Variants in TTN observed in about 807,000 individuals in gnomAD.
TTN encodes the protein connectin.
TTN carries 1,525 observed loss-of-function variants against 3,223.0 expected under a neutral mutation model. The observed-to-expected ratio is 0.47, with a 90% CI of 0.45 to 0.49. TTN has a LOEUF of 0.49. Among genes scored for constraint, TTN ranks in the 20% least tolerant of loss-of-function variants. TTN has a pLI of 0.00. For missense variants in TTN, 40,786 were observed against 43,424.0 expected, an observed-to-expected ratio of 0.94 and a Z score of 5.40; for synonymous variants, 14,094 against 15,161.0, an observed-to-expected ratio of 0.93 and a Z score of 5.17.
Position 178,715,113 on chromosome 2 carries a change from T to G in TTN, c.26073A>C (p.Ile8691=). 1 of 1,613,732 alleles carries G rather than the reference T, an allele frequency of 6.2e-7. No homozygotes were observed. Among genetic ancestry groups the G allele is most frequent in the Non-Finnish European group, 8.5e-7 (1 of 1,179,704 alleles). ...RELRSGKKYK[I]MSENFLTSIH... is the part of the protein sequence containing the mutation. Reference sequence around the variant, plus strand: ...TACTGGTTAGGAAGTTCTCAGACATTATCTTGTACTTCTTGCCGCTCCTAA... The same window carrying G: ...TACTGGTTAGGAAGTTCTCAGACATGATCTTGTACTTCTTGCCGCTCCTAA... The change falls in exon 90 of 363, where the codon ATA becomes ATC. Residue 8691 remains isoleucine (I), a synonymous_variant. Transcript: ENST00000589042.
Position 178,730,577 on chromosome 2 carries a change from T to C in TTN, c.17956A>G (p.Ser5986Gly), listed in dbSNP as rs779199136. ...GTGGCAGAACAAGTGTATGTCCCAC[T>C]GTCTGTACCTTCCAGCTGGCTGATT... The part of the protein sequence containing the change: ...LEISQLEGTD[S>G]GTYTCSATNK... The change falls in exon 61 of 363, where the codon AGT (serine) becomes GGT (glycine). Residue 5986 changes from serine (S) to glycine (G), a missense_variant. Transcript: ENST00000589042. 6 of 1,613,686 alleles carry C rather than the reference T, an allele frequency of 3.7e-6. No homozygotes were observed. In the South Asian group the frequency reaches 5.5e-5, roughly 15 times the overall value.
At chr2:178,746,701 T>C (rs1574179273) in intron 47 of TTN, 1 of 1,613,496 alleles carries the variant, frequency 6.2e-7, no homozygotes, top group Non-Finnish European at 8.5e-7. Flanking sequence ...CATTACCCAC[T>C]CTTTCCATTT....
At chr2:178,679,803 G>A in intron 140 of TTN, 91 bp downstream of exon 140, 3 of 1,556,490 alleles carry the variant, frequency 1.9e-6, no homozygotes, top group East Asian at 2.2e-5. Flanking sequence ...GCAATCATTG[G>A]TGCTGCCAAT....
Position 178,784,244 on chromosome 2 carries a change from A to G in TTN, c.2601T>C (p.Ser867=), listed in dbSNP as rs751040739. The part of the protein sequence containing the change: ...KSVKAPTVKP[S]ETRVRAEPTP... The stretch of plus-strand genomic sequence containing the variant: ...TGGGCTCTGCCCTTACTCTAGTCTC[A>G]CTGGGCTTCACAGTAGGAGCCTTCA... The change falls in exon 16 of 363, where the codon AGT becomes AGC. Residue 867 remains serine (S), a synonymous_variant. Transcript: ENST00000589042. 8 of 1,614,016 alleles carry G rather than the reference A, an allele frequency of 5.0e-6. No individual in the cohort carries two copies. The East Asian group carries it at 1.1e-4, about 22-fold the overall frequency.
chr2:178,694,593 G>GTA lies in TTN; in HGVS notation c.31426+4_31426+5dup. The GTA allele has an allele frequency of 1.3e-6, 2 of 1,550,828 alleles. No homozygotes were observed. Among genetic ancestry groups the GTA allele is most frequent in the African/African-American group, 1.4e-5 (1 of 73,254 alleles). On this transcript the variant is annotated splice_donor_region_variant and intron_variant, in intron 117 of 362. Transcript: ENST00000589042. ...GAACTTGTAGCTGAAACACAAAGATGTATACCTTTCACTTCAATAACTTCT... is the reference window on the plus strand; with the variant it reads ...GAACTTGTAGCTGAAACACAAAGATGTATATACCTTTCACTTCAATAACTTCT...
intron 206 of TTN, 23 bp from the exon 207 acceptor site, chr2:178,651,559 T>A (rs766222484): frequency 1.2e-6 from 2 of 1,611,734 alleles, no homozygotes; most frequent in Non-Finnish European, 1.7e-6. Flanking sequence ...TTAGTAGTTG[T>A]TTAAGCTCAT....
rs769332431 is a variant in TTN at position 178,617,123 on chromosome 2, A to G, written c.47872T>C (p.Phe15958Leu). 6 of 1,610,306 alleles carry G rather than the reference A, an allele frequency of 3.7e-6. No homozygotes were observed. The Admixed American group carries it at 8.4e-5, about 22-fold the overall frequency. ...TAAAAATAAAATATCTATTTACCAA[A>G]TGCATCGTCAGCGGTGAGAGGACCA... is the stretch of plus-strand genomic sequence containing the variant. ...ILGPLTADDA[F>L]VEPTMDLSAF... Residue 15958 changes from phenylalanine (F) to leucine (L), a missense_variant, in exon 255 of 363, where the codon TTT (phenylalanine) becomes CTT (leucine). Physicochemically the swap from Phe to Leu is conservative, Grantham distance 22 (BLOSUM62 0). Transcript: ENST00000589042.
chr2:178,795,107 A>T lies in TTN; in HGVS notation c.1060T>A (p.Ser354Thr). Residue 354 changes from serine to threonine, a missense_variant, in exon 7 of 363, where the codon TCA becomes ACA. Physicochemically the swap from Ser to Thr is moderately conservative, Grantham distance 58 (BLOSUM62 1). Coordinates refer to ENST00000589042, the MANE Select transcript of TTN (RefSeq NM_001267550.2). ...GTCTCTCTCATCTCAGCCTCAGATG[A>T]GGAGGCCACGTAGCCCTCTTGCTTC... ...PWKQEGYVASSSEAEMRETTL... is the reference protein window; with the variant it reads ...PWKQEGYVASTSEAEMRETTL... 6.2e-7 allele frequency: 1 copy of T among 1,614,110 alleles called. No homozygotes were observed. The highest frequency in any genetic ancestry group is 8.5e-7 in the Non-Finnish European group (1 of 1,180,010).
rs752443804 is a variant in TTN at position 178,548,131 on chromosome 2, G to A, written c.93495C>T (p.His31165=). 1 of 1,613,882 alleles carries A rather than the reference G, an allele frequency of 6.2e-7. No homozygotes were observed. Among genetic ancestry groups the A allele is most frequent in the East Asian group, 2.2e-5 (1 of 44,874 alleles). ...CTACTGTGAAAGTTAGCTGTTTGGTGTGACCAGCTTCAACCCAGAAGTCAG... is the reference window on the plus strand; with the variant it reads ...CTACTGTGAAAGTTAGCTGTTTGGTATGACCAGCTTCAACCCAGAAGTCAG... The part of the protein sequence containing the change: ...KGSDFWVEAG[H]TKQLTFTVER... The change falls in exon 339 of 363, where the codon CAC becomes CAT. Residue 31165 remains histidine, a synonymous_variant. Coordinates refer to ENST00000589042, the MANE Select transcript of TTN (RefSeq NM_001267550.2). This position sits in a 1 kb window ranked among gnomAD's most constrained non-coding sequence, Gnocchi z 4.3.
chr2:178,734,417 G>A lies in TTN; in HGVS notation c.15407C>T (p.Ser5136Leu), dbSNP rs764310312. The A allele has an allele frequency of 9.3e-6, 15 of 1,613,482 alleles. No individual in the cohort carries two copies. The highest frequency in any genetic ancestry group is 6.7e-5 in the African/African-American group (5 of 74,882). The change falls in exon 52 of 363, where the codon TCG becomes TTG. Residue 5136 changes from serine (S) to leucine (L), a missense_variant. Coordinates refer to ENST00000589042, the MANE Select transcript of TTN (RefSeq NM_001267550.2). ...TTCACCAACATCTGCACTATTAAAC[G>A]AAAAGATCTCCAGACACACAAGAGA... is the stretch of plus-strand genomic sequence containing the variant. Reference protein sequence around the residue: ...QKSLVCLEIFSFNSADVGEYE... With the variant: ...QKSLVCLEIFLFNSADVGEYE...
rs975953877 is a variant in TTN at position 178,647,009 on chromosome 2, C to T, written c.40222+55G>A. ...TTGTCCTGTAAATGCTTTTGTAATTCTAACAGGAATCTTCAGGAGATTAAA... is the reference window on the plus strand; with the variant it reads ...TTGTCCTGTAAATGCTTTTGTAATTTTAACAGGAATCTTCAGGAGATTAAA... On this transcript the variant is annotated intron_variant, in intron 215 of 362. Transcript: ENST00000589042. 11 of 647,266 alleles carry T rather than the reference C, an allele frequency of 1.7e-5. 1 individual carries two copies. In the African/African-American group the frequency reaches 1.9e-4, roughly 11 times the overall value. 40.1% of individuals were successfully genotyped at this position (647,266 alleles called of 1,614,324 possible). A position where few individuals can be genotyped will look rare whatever the true frequency, so the allele number is the denominator to read the frequency against.
intron 10 of TTN, 111 bp from the exon 11 acceptor site, chr2:178,790,956 A>G: frequency 2.2e-6 from 3 of 1,344,886 alleles, no homozygotes; most frequent in Non-Finnish European, 3.1e-6. Flanking sequence ...GAACGATAAA[A>G]TGTCAGATTT....
rs573043290 is a variant in TTN, at chr2:178,727,538, C to G, written c.19993+47G>C. ...AGACATTGTAACTGAATACAGAGAA[C>G]CAAAGACACAGTCAGACAGAAACAT... is the stretch of plus-strand genomic sequence containing the variant. On this transcript the variant is annotated intron_variant, in intron 68 of 362. Transcript: ENST00000589042. 1.1e-5 allele frequency: 17 copies of G among 1,524,230 alleles called. No homozygotes were observed. The East Asian group carries it at 3.6e-4, about 33-fold the overall frequency. 94.4% of individuals were successfully genotyped at this position (1,524,230 alleles called of 1,614,324 possible).
rs766108359 is a variant in TTN at position 178,802,249 on chromosome 2, G to A, written c.184C>T (p.Arg62Cys). Residue 62 changes from arginine (R) to cysteine (C), a missense_variant, in exon 3 of 363, where the codon CGC becomes TGC. Arg to Cys is a radical substitution (Grantham distance 180). Transcript: ENST00000589042. ...ACGGCGGGGATCGTCAGTTTAGCGC[G>A]GCCATCGCTAAAGGAGATCTGCACG... Reference protein sequence around the residue: ...PGVQISFSDGRAKLTIPAVTK... With the variant: ...PGVQISFSDGCAKLTIPAVTK... 3.7e-6 allele frequency: 6 copies of A among 1,613,996 alleles called. No homozygotes were observed. Among genetic ancestry groups the A allele is most frequent in the South Asian group, 2.2e-5 (2 of 91,076 alleles).
chr2:178,601,906 A>G lies in TTN; in HGVS notation c.55278T>C (p.Val18426=), dbSNP rs368013796. 5.0e-6 allele frequency: 8 copies of G among 1,612,366 alleles called. No homozygotes were observed. The African/African-American group carries it at 1.1e-4, about 22-fold the overall frequency. Residue 18426 remains valine, a synonymous_variant, in exon 285 of 363, where the codon GTT becomes GTC. Coordinates refer to ENST00000589042, the MANE Select transcript of TTN (RefSeq NM_001267550.2). Reference sequence around the variant, plus strand: ...CCTGTGCATCTTCGGGTATGTCATGAACTCCATCCTATTAGAAAAGGAGAC... The same window carrying G: ...CCTGTGCATCTTCGGGTATGTCATGGACTCCATCCTATTAGAAAAGGAGAC... ...GKAKKAMKDG[V]HDIPEDAQLE...
rs955370014 is a variant in TTN, at chr2:178,599,162, T to C, written c.56631A>G (p.Thr18877=). The C allele has an allele frequency of 1.3e-6, 2 of 1,506,852 alleles. No individual in the cohort carries two copies. Among genetic ancestry groups the C allele is most frequent in the African/African-American group, 2.8e-5 (2 of 71,368 alleles). 93.3% of individuals were successfully genotyped at this position (1,506,852 alleles called of 1,614,324 possible). A position where few individuals can be genotyped will look rare whatever the true frequency, so the allele number is the denominator to read the frequency against. The change falls in exon 290 of 363, where the codon ACA becomes ACG. Residue 18877 remains threonine (T), a synonymous_variant. Transcript: ENST00000589042. ...CCTACTTACAGAAGAGGTTTCTTGC[T>C]GTTTCAGGTTCACTGTCAAGAGGTT... ...IGEPLDSEPE[T]ARNLFSVPGA... is the part of the protein sequence containing the mutation.
At position 178,756,796 on chromosome 2, in the gene TTN, C is replaced by T. The variant is rs1454521352; in HGVS notation, c.10680G>A (p.Val3560=). The change falls in exon 46 of 363, where the codon GTG becomes GTA. Residue 3560 remains valine, a splice_region_variant and synonymous_variant. Transcript: ENST00000589042. ...CAATLTVTPK[V]QALDRQSSGK... ...CAGAACTTTGCCTATCTAGGGCTTG[C>T]ACTGTATAATCAAGTGACAAGAAAA... The T allele has an allele frequency of 3.7e-6, 6 of 1,612,952 alleles. No homozygotes were observed. The highest frequency in any genetic ancestry group is 1.1e-5 in the South Asian group (1 of 91,002).
In TTN at chr2:178,791,375, G is replaced by A. The variant is rs530044876; in HGVS notation, c.1663-530C>T. Among the ~76,000 whole-genome samples the A allele has an allele frequency of 8.5e-5, 13 of 152,238 alleles. No homozygotes were observed. In the East Asian group the frequency reaches 1.7e-3, roughly 20 times the overall value. On this transcript the variant is annotated intron_variant, in intron 10 of 362. Transcript: ENST00000589042. ...CAAAGAGCTTGAGTTCAAGGAGGAT[G>A]AGCACAGGCGCCCTCTTTGACATGG... is the stretch of plus-strand genomic sequence containing the variant.
At position 178,663,951 on chromosome 2, in the gene TTN, G is replaced by GA. The variant is rs778011191; in HGVS notation, c.36365-50dup. ...CATTTAGGTGTTATGAAGACCGCTA[G>GA]AAAAAAATATTGTCAAGAGCAGAAG... On this transcript the variant is annotated intron_variant, in intron 169 of 362. Transcript: ENST00000589042. The GA allele has an allele frequency of 2.0e-5, 33 of 1,611,568 alleles. No individual in the cohort carries two copies. In the Middle Eastern group the frequency reaches 5.0e-4, roughly 24 times the overall value.
Sources: allele counts gnomAD v4.1 joint callset (sites outside exome capture counted in the v4.1 genomes callset), GRCh38; gene constraint gnomAD v4.1.1; non-coding constraint Gnocchi (gnomAD v3.1); transcripts MANE v1.5; gene names NCBI Gene and HGNC (gene_info 2026-07-23, HGNC 2026-07-21).